Variants in LOC128125817 observed in about 807,000 individuals in gnomAD.
the LOC128125817 span, among the ~76,000 whole-genome samples, chr1:41,616,964 A>T: frequency 6.6e-6 from 1 of 152,168 alleles, no homozygotes; most frequent in Non-Finnish European, 1.5e-5. Context: ...TTTACCAAAG[A>T]GGAGTGTGAA....
At chr1:41,586,495 G>C in the LOC128125817 span, among the ~76,000 whole-genome samples, 1 of 146,240 alleles carries the variant, frequency 6.8e-6, no homozygotes, top group African/African-American at 2.4e-5. Flanking sequence ...ATCCCTTGGC[G>C]AGGCCCTGGG....
chr1:41,622,171 G>T, the LOC128125817 span, among the ~76,000 whole-genome samples: 1 of 152,180 alleles, frequency 6.6e-6, no homozygotes, highest in Non-Finnish European at 1.5e-5. Flanking sequence ...GAAGAGGAAG[G>T]CCGAATCCCT....
chr1:41,587,565 A>G, the LOC128125817 span, among the ~76,000 whole-genome samples: 1 of 152,254 alleles, frequency 6.6e-6, no homozygotes, highest in Non-Finnish European at 1.5e-5. Context: ...CCTTACGGCC[A>G]AAACTAGGCA....
the LOC128125817 span, among the ~76,000 whole-genome samples, chr1:41,593,966 G>A: frequency 1.1e-4 from 16 of 152,100 alleles, no homozygotes; most frequent in Non-Finnish European, 1.9e-4. Context: ...CTGCAAAGCT[G>A]GTAACAGCCA....
the LOC128125817 span, among the ~76,000 whole-genome samples, chr1:41,606,356 G>T: frequency 6.6e-6 from 1 of 151,818 alleles, no homozygotes; most frequent in Non-Finnish European, 1.5e-5. Context: ...CTTCCCTCCT[G>T]CCCACCTTCA....
At chr1:41,604,223 G>T in the LOC128125817 span, among the ~76,000 whole-genome samples, 18 of 152,178 alleles carry the variant, frequency 1.2e-4, no homozygotes, top group African/African-American at 4.3e-4. Flanking sequence ...ACACAAAGAA[G>T]AATTTTCATA....
chr1:41,592,939 C>T, the LOC128125817 span, among the ~76,000 whole-genome samples: 1 of 152,202 alleles, frequency 6.6e-6, no homozygotes, highest in Non-Finnish European at 1.5e-5. Flanking sequence ...TGGCCAGGTC[C>T]TGACCTGCTG....
chr1:41,609,203 AC>A, the LOC128125817 span, among the ~76,000 whole-genome samples: 1 of 152,232 alleles, frequency 6.6e-6, no homozygotes, highest in Non-Finnish European at 1.5e-5. Flanking sequence ...GGATGTGGAC[AC>A]CGGAAAGGAA....
At chr1:41,591,260 A>G in the LOC128125817 span, among the ~76,000 whole-genome samples, 1 of 152,092 alleles carries the variant, frequency 6.6e-6, no homozygotes, top group Non-Finnish European at 1.5e-5. Context: ...AATGAGAACC[A>G]AGGTTGAATT....
the LOC128125817 span, among the ~76,000 whole-genome samples, chr1:41,611,837 G>A: frequency 1.9e-4 from 29 of 152,166 alleles, no homozygotes; most frequent in African/African-American, 6.3e-4. Context: ...GACCTTTCCC[G>A]CCCTGACATT....
At chr1:41,594,714 T>C in the LOC128125817 span, among the ~76,000 whole-genome samples, 2 of 151,842 alleles carry the variant, frequency 1.3e-5, no homozygotes, top group Admixed American at 6.6e-5. Context: ...CTGTACAGAA[T>C]TTTTTTTTGT....
the LOC128125817 span, among the ~76,000 whole-genome samples, chr1:41,606,642 T>C: frequency 6.6e-6 from 1 of 151,924 alleles, no homozygotes; most frequent in African/African-American, 2.4e-5. Context: ...CTTTTTTGAT[T>C]GATGAAATAA....
the LOC128125817 span, among the ~76,000 whole-genome samples, chr1:41,608,836 C>T: frequency 6.6e-6 from 1 of 151,630 alleles, no homozygotes; most frequent in Admixed American, 6.6e-5. Context: ...CTTTGGGAGG[C>T]CAAGGCGGGT....
At chr1:41,617,589 A>G in the LOC128125817 span, among the ~76,000 whole-genome samples, 1 of 152,256 alleles carries the variant, frequency 6.6e-6, no homozygotes. Context: ...GATCTGGCTT[A>G]TGCCCCTTGC....
At chr1:41,600,314 C>T in the LOC128125817 span, among the ~76,000 whole-genome samples, 1 of 152,128 alleles carries the variant, frequency 6.6e-6, no homozygotes, top group Non-Finnish European at 1.5e-5. Context: ...TGGAAGCAAT[C>T]CAAATGTCCA....
At chr1:41,627,195 A>C in the LOC128125817 span, among the ~76,000 whole-genome samples, 2 of 152,116 alleles carry the variant, frequency 1.3e-5, no homozygotes, top group Non-Finnish European at 2.9e-5. Context: ...AGGGTGACTC[A>C]CGTTTGGGAG....
At chr1:41,605,255 T>C in the LOC128125817 span, among the ~76,000 whole-genome samples, 1 of 151,846 alleles carries the variant, frequency 6.6e-6, no homozygotes, top group South Asian at 2.1e-4. Flanking sequence ...TAGTGGTTTC[T>C]GATTTCTAAT....
chr1:41,594,167 T>G, the LOC128125817 span, among the ~76,000 whole-genome samples: 1 of 152,216 alleles, frequency 6.6e-6, no homozygotes, highest in African/African-American at 2.4e-5. Context: ...ATGTGGATAG[T>G]TTGGGGGTCC....
At chr1:41,598,486 C>T in the LOC128125817 span, among the ~76,000 whole-genome samples, 1,992 of 152,228 alleles carry the variant, frequency 0.013, 23 homozygotes, top group Middle Eastern at 0.02. Flanking sequence ...GAGTGTAGTC[C>T]AACAGAAGAG....
Sources: gnomAD v4.1 joint callset for allele counts (sites outside exome capture counted in the v4.1 genomes callset) on GRCh38, gnomAD v4.1.1 for gene constraint, MANE v1.5 for transcripts.